The following HPS4 variants were observed in gnomAD, a reference collection of about 807,000 sequenced individuals.
HPS4 encodes HPS4 biogenesis of lysosomal organelles complex 3 subunit 2.
Under a neutral mutation model 70.3 loss-of-function variants are expected in HPS4, and 44 were observed. That is an observed-to-expected ratio of 0.63 (90% CI 0.49 to 0.80). The LOEUF (loss-of-function observed/expected upper bound fraction) is 0.80. Ranked by LOEUF, HPS4 falls within the 30% of genes least tolerant of loss-of-function variation. HPS4 has a pLI of 0.00. For missense variants in HPS4, 873 were observed against 884.4 expected, an observed-to-expected ratio of 0.99 and a Z score of 0.16; for synonymous variants, 377 against 355.9, an observed-to-expected ratio of 1.06 and a Z score of -0.67.
chr22:26,483,120 T>C (rs1349324959), intron 1 of HPS4, among the ~76,000 whole-genome samples: 1 of 152,162 alleles, frequency 6.6e-6, no homozygotes, highest in Non-Finnish European at 1.5e-5. Context: ...GCTCTAGATA[T>C]TTTGGATTGG....
Position 26,481,085 on chromosome 22 carries a change from CCT to C in HPS4, c.41+635_41+636del, listed in dbSNP as rs367972213. Among the ~76,000 whole-genome samples, 55 of 152,244 alleles carry C rather than the reference CCT, an allele frequency of 3.6e-4. 3 individuals carry two copies. The East Asian group carries it at 8.3e-3, about 23-fold the overall frequency. On this transcript the variant is annotated intron_variant, in intron 2 of 13. Transcript: ENST00000398145. ...AAACTCCATGTGCACCCCATCCTCC[CCT>C]GTCCCCACGTTCTCTTGATGAAAGC...
At chr22:26,453,545 A>G (rs1044639211) in intron 13 of HPS4, 141 bp from the exon 14 acceptor site, 2 of 860,040 alleles carry the variant, frequency 2.3e-6, no homozygotes, top group African/African-American at 3.3e-5. Flanking sequence ...ACGGAATTCT[A>G]TTTCTTCAGC....
In HPS4 at chr22:26,453,386, C is replaced by T. The variant is rs1386616277; in HGVS notation, c.1974G>A (p.Val658=). The T allele has an allele frequency of 6.2e-7, 1 of 1,614,120 alleles. No individual in the cohort carries two copies. Among genetic ancestry groups the T allele is most frequent in the Admixed American group, 1.7e-5 (1 of 60,028 alleles). ...EMTVRNASTA[V]YACCNPIQET... is the part of the protein sequence containing the mutation. Reference sequence around the variant, plus strand: ...CCTGGATGGGGTTGCAACAGGCGTACACAGCCGTGGAGGCATTTCTGTTGG... The same window carrying T: ...CCTGGATGGGGTTGCAACAGGCGTATACAGCCGTGGAGGCATTTCTGTTGG... The change falls in exon 14 of 14, where the codon GTG becomes GTA. Residue 658 remains valine (V), a synonymous_variant. Coordinates refer to ENST00000398145, the MANE Select transcript of HPS4 (RefSeq NM_022081.6).
chr22:26,477,367 C>G (rs1161125141), intron 3 of HPS4, among the ~76,000 whole-genome samples: 1 of 152,196 alleles, frequency 6.6e-6, no homozygotes, highest in Non-Finnish European at 1.5e-5. Flanking sequence ...TGGCCCTTTA[C>G]AAAGTTTGCC....
chr22:26,453,331 C>T lies in HPS4; in HGVS notation c.2029G>A (p.Ala677Thr). 6.2e-7 allele frequency: 1 copy of T among 1,614,202 alleles called. No individual in the cohort carries two copies. Among genetic ancestry groups the T allele is most frequent in the East Asian group, 2.2e-5 (1 of 44,888 alleles). Residue 677 changes from alanine to threonine, a missense_variant, in exon 14 of 14, where the codon GCA becomes ACA. By Grantham distance (58) the Ala-to-Thr change is moderately conservative. Coordinates refer to ENST00000398145, the MANE Select transcript of HPS4 (RefSeq NM_022081.6). ...GGGTTTGGGAAGCCGGAGCTCCGTG[C>T]TGCAGGTGCCAGCTGCTGGAAATAT... ...ETYFQQLAPA[A>T]RSSGFPNPQD...
rs532246881 is a variant in HPS4, at chr22:26,463,993, T to C, written c.1637A>G (p.His546Arg). 65 of 1,614,192 alleles carry C rather than the reference T, an allele frequency of 4.0e-5. No individual in the cohort carries two copies. Among genetic ancestry groups the C allele is most frequent in the Non-Finnish European group, 5.3e-5 (63 of 1,180,044 alleles). ...MGLVRMNLYTHCVKGLVLSLL... is the reference protein window; with the variant it reads ...MGLVRMNLYTRCVKGLVLSLL... ...GGACAGCACCAGCCCTTTGACGCAG[T>C]GAGTGTAGAGATTCATCCTCACGAG... Residue 546 changes from histidine (H) to arginine (R), a missense_variant, in exon 11 of 14, where the codon CAC becomes CGC. Coordinates refer to ENST00000398145, the MANE Select transcript of HPS4 (RefSeq NM_022081.6).
downstream of HPS4, among the ~76,000 whole-genome samples, chr22:26,447,246 T>C (rs1188010984): frequency 6.6e-6 from 1 of 151,922 alleles, no homozygotes; most frequent in African/African-American, 2.4e-5. Flanking sequence ...CACTTTTTAT[T>C]AGGTGGGGTG....
intron 11 of HPS4, among the ~76,000 whole-genome samples, chr22:26,461,624 G>A (rs2087289112): frequency 6.6e-6 from 1 of 152,198 alleles, no homozygotes; most frequent in Admixed American, 6.5e-5. Flanking sequence ...CAAAAGGGGT[G>A]TGCTCACCGT....
In HPS4 at chr22:26,464,127, G is replaced by T. The variant is rs534067573; in HGVS notation, c.1503C>A (p.His501Gln). Residue 501 changes from histidine (H) to glutamine (Q), a missense_variant, in exon 11 of 14, where the codon CAC becomes CAA. Transcript: ENST00000398145. ...AACTGCATTCCAGACCAGGGGCTGC[G>T]TGGCTTTCACAGACCCCATCAACAT... ...DEDVDGVCES[H>Q]AAPGLECSSG... is the part of the protein sequence containing the mutation. 6 of 1,614,154 alleles carry T rather than the reference G, an allele frequency of 3.7e-6. No homozygotes were observed. The highest frequency in any genetic ancestry group is 1.3e-5 in the African/African-American group (1 of 74,954).
intron 11 of HPS4, among the ~76,000 whole-genome samples, chr22:26,463,714 C>T (rs1189015651): frequency 1.3e-5 from 2 of 152,214 alleles, no homozygotes; most frequent in East Asian, 1.9e-4. Flanking sequence ...CAGTGCTATG[C>T]GCTTGACTCA....
At position 26,452,000 on chromosome 22, in the gene HPS4, GCGCGCACACACACACACACACA is replaced by G. The variant is rs2085290554; in HGVS notation, c.*1211_*1232del. The G allele has an allele frequency of 1.4e-5, 1 of 72,082 alleles. No homozygotes were observed. The highest frequency in any genetic ancestry group is 1.3e-4 in the Admixed American group (1 of 7,924). 4.5% of individuals were successfully genotyped at this position (72,082 alleles called of 1,614,324 possible). On this transcript the variant is annotated 3_prime_UTR_variant, in exon 14 of 14. Transcript: ENST00000398145. Reference sequence around the variant, plus strand: ...GCGCCCACGTTACGCGCGCGCGCGCGCGCGCACACACACACACACACACACACACACACACACACACACTGTC... The same window carrying G: ...GCGCCCACGTTACGCGCGCGCGCGCGCACACACACACACACACACACTGTC...
chr22:26,460,050 T>A (rs1365733342), intron 11 of HPS4, among the ~76,000 whole-genome samples: 1 of 152,258 alleles, frequency 6.6e-6, no homozygotes, highest in African/African-American at 2.4e-5. Flanking sequence ...TTTTCCTGTA[T>A]GAAAGTCTCA....
Position 26,479,253 on chromosome 22 carries a change from T to C in HPS4, c.132+12A>G. 4 of 1,614,138 alleles carry C rather than the reference T, an allele frequency of 2.5e-6. No individual in the cohort carries two copies. Among genetic ancestry groups the C allele is most frequent in the Non-Finnish European group, 2.5e-6 (3 of 1,179,976 alleles). On this transcript the variant is annotated intron_variant, in intron 3 of 13. Transcript: ENST00000398145. ...GGATCCTCACTGAACAATAAAATGC[T>C]GTGTGGCTTACCTGGGAAGGATAAA...
At chr22:26,465,398 C>T in intron 10 of HPS4, 57 bp downstream of exon 10, 2 of 1,264,102 alleles carry the variant, frequency 1.6e-6, no homozygotes, top group Non-Finnish European at 2.3e-6. Flanking sequence ...TTTAACCAAT[C>T]ACGCGATGGG....
In HPS4 at chr22:26,472,867, T is replaced by TA; in HGVS notation, c.348dup (p.Asn117Ter). ...AGGGAAACAGGTCCATTGTAAAAAT[T>TA]AAAGAATCCAACTAGCTGATCCAGA... is the stretch of plus-strand genomic sequence containing the variant. On this transcript the variant is annotated frameshift_variant, in exon 5 of 14. Transcript: ENST00000398145. LOFTEE classifies it high-confidence loss of function. 6.2e-7 allele frequency: 1 copy of TA among 1,614,180 alleles called. No homozygotes were observed. Among genetic ancestry groups the TA allele is most frequent in the Non-Finnish European group, 8.5e-7 (1 of 1,180,028 alleles).
intron 3 of HPS4, among the ~76,000 whole-genome samples, chr22:26,445,854 A>G (rs2084935755): frequency 6.6e-6 from 1 of 152,176 alleles, no homozygotes; most frequent in Non-Finnish European, 1.5e-5. Context: ...AGGAAGAAAC[A>G]TGTCCCTCAG....
rs192234663 is a variant in HPS4, at chr22:26,470,570, G to A, written c.596+149C>T. ...AGGTACACACCTGTCTTTCTAAACT[G>A]AGTCAAATCTAAACTACCTGATATT... On this transcript the variant is annotated intron_variant, in intron 7 of 13. Coordinates refer to ENST00000398145, the MANE Select transcript of HPS4 (RefSeq NM_022081.6). 1.3e-3 allele frequency: 946 copies of A among 725,626 alleles called. 21 individuals are homozygous for A. In the Admixed American group the frequency reaches 0.018, roughly 14 times the overall value. 44.9% of individuals were successfully genotyped at this position (725,626 alleles called of 1,614,324 possible).
At chr22:26,460,231 T>C (rs2086966308) in intron 11 of HPS4, among the ~76,000 whole-genome samples, 1 of 152,226 alleles carries the variant, frequency 6.6e-6, no homozygotes, top group Non-Finnish European at 1.5e-5. Flanking sequence ...TGCCAATTTA[T>C]GAGCTATTTG....
chr22:26,471,489 C>T, intron 6 of HPS4: 1 of 441,488 alleles, frequency 2.3e-6, no homozygotes, highest in Non-Finnish European at 4.5e-6. Context: ...AGCAAGTATC[C>T]ACCAGCTGTT....
Sources: gnomAD v4.1 joint callset for allele counts (sites outside exome capture counted in the v4.1 genomes callset) on GRCh38, gnomAD v4.1.1 for gene constraint, MANE v1.5 for transcripts, NCBI Gene and HGNC (gene_info 2026-07-23, HGNC 2026-07-21) for gene names.